KCNE1: variants seen among roughly 807,000 people sequenced by gnomAD.
The protein encoded by KCNE1 is potassium voltage-gated channel subfamily E member 1.
In KCNE1, 1 loss-of-function variant was observed where a neutral mutation model predicts 2.9. That is an observed-to-expected ratio of 0.34 (90% CI 0.12 to 1.62). The LOEUF (loss-of-function observed/expected upper bound fraction) is 1.62. Among genes scored for constraint, KCNE1 ranks in the 40% most tolerant of loss-of-function variants. KCNE1 has a pLI of 0.36. For missense variants in KCNE1, 45 were observed against 150.5 expected (o/e 0.30, Z 3.67); for synonymous variants, 23 against 65.4 (o/e 0.35, Z 3.13).
At chr21:34,511,410 C>G in intron 1 of KCNE1, 95 bp from the exon 2 acceptor site, 5 of 448,874 alleles carry the variant, frequency 1.1e-5, no homozygotes, top group Non-Finnish European at 1.5e-5. Flanking sequence ...ATGAGGGCTC[C>G]ACCCTTATGA....
rs186628880 is a variant in KCNE1 at position 34,511,290 on chromosome 21, C to T, written c.-351G>A. 1.3e-4 allele frequency: 124 copies of T among 985,484 alleles called. No individual in the cohort carries two copies. The African/African-American group carries it at 1.6e-3, about 13-fold the overall frequency. The allele number at this position is 985,484 out of a possible 1,614,324, so 61.0% of individuals were successfully genotyped here. A position where few individuals can be genotyped will look rare whatever the true frequency, so the allele number is the denominator to read the frequency against. ...CCATTCAACGCCCTCCAGGACAGGC[C>T]GAAGGGCTTGTCTGTTTGGTGGTTG... On this transcript the variant is annotated 5_prime_UTR_variant, in exon 2 of 4. Coordinates refer to ENST00000399286, the MANE Select transcript of KCNE1 (RefSeq NM_000219.6).
intron 2 of KCNE1, among the ~76,000 whole-genome samples, chr21:34,504,612 A>T (rs992009946): frequency 2.6e-5 from 4 of 152,258 alleles, no homozygotes; most frequent in Admixed American, 2.0e-4. Flanking sequence ...ACTTGGACAC[A>T]AATGTGCATA....
At chr21:34,499,690 C>A (rs1052278514) in intron 2 of KCNE1, among the ~76,000 whole-genome samples, 9 of 152,210 alleles carry the variant, frequency 5.9e-5, no homozygotes, top group African/African-American at 2.2e-4. Context: ...CTCCTGTAAT[C>A]TGGATTTTCA....
chr21:34,510,142 C>G (rs1029706537), intron 2 of KCNE1: 6 of 152,424 alleles, frequency 3.9e-5, no homozygotes, highest in Non-Finnish European at 7.3e-5. Context: ...TCACCCCTCA[C>G]GCGGAAGTGG....
At chr21:34,507,221 G>A (rs997748675) in intron 2 of KCNE1, among the ~76,000 whole-genome samples, 1 of 152,138 alleles carries the variant, frequency 6.6e-6, no homozygotes, top group Non-Finnish European at 1.5e-5. Flanking sequence ...GAATGGCTCT[G>A]GGGGTGGAGT....
intron 2 of KCNE1, 93 bp downstream of exon 2, chr21:34,511,008 G>A (rs1034949441): frequency 2.1e-5 from 7 of 339,458 alleles, no homozygotes; most frequent in East Asian, 1.7e-4. Context: ...ATGGATGAGC[G>A]CCTCTCCCTT....
rs73900509 is a variant in KCNE1, at chr21:34,511,445, T to A, written c.-376-130A>T. The stretch of plus-strand genomic sequence containing the variant: ...AATGGATTCTCTCTCTCTTGTTCTC[T>A]CTCTCTCTCTTCCCGCCCCGCCCAC... On this transcript the variant is annotated intron_variant, in intron 1 of 3. Coordinates refer to ENST00000399286, the MANE Select transcript of KCNE1 (RefSeq NM_000219.6). The A allele has an allele frequency of 0.22, 55,290 of 251,842 alleles. 7,121 individuals carry two copies. Among genetic ancestry groups the A allele is most frequent in the East Asian group, 0.5 (2,672 of 5,318 alleles). 15.6% of individuals were successfully genotyped at this position (251,842 alleles called of 1,614,324 possible).
chr21:34,511,046 T>A, intron 2 of KCNE1, 55 bp downstream of exon 2: 1 of 642,982 alleles, frequency 1.6e-6, no homozygotes, highest in Non-Finnish European at 1.9e-6. Flanking sequence ...GGCATGAGGG[T>A]GGGAGCAGAG....
intron 2 of KCNE1, among the ~76,000 whole-genome samples, chr21:34,502,451 C>G (rs1422132778): frequency 6.6e-6 from 1 of 152,180 alleles, no homozygotes; most frequent in Non-Finnish European, 1.5e-5. Context: ...CTTCTGACAC[C>G]AATCAGGAAT....
intron 2 of KCNE1, among the ~76,000 whole-genome samples, chr21:34,505,807 T>G (rs1291980843): frequency 6.6e-6 from 1 of 152,242 alleles, no homozygotes; most frequent in African/African-American, 2.4e-5. Context: ...TATGCATTAC[T>G]GTAGCTCAAA....
chr21:34,508,697 C>T (rs1174283391), intron 2 of KCNE1, among the ~76,000 whole-genome samples: 4 of 152,072 alleles, frequency 2.6e-5, no homozygotes, highest in African/African-American at 4.8e-5. Flanking sequence ...CAAAAAGAGA[C>T]GACACAGTCA....
intron 2 of KCNE1, among the ~76,000 whole-genome samples, chr21:34,503,299 A>G (rs1366085762): frequency 6.6e-6 from 1 of 152,188 alleles, no homozygotes; most frequent in Admixed American, 6.5e-5. Flanking sequence ...CAAAGGGTAA[A>G]ATAAACAGCC....
At chr21:34,510,590 C>G (rs764594895) in intron 2 of KCNE1, 3 of 152,592 alleles carry the variant, frequency 2.0e-5, no homozygotes, top group Non-Finnish European at 4.4e-5. Context: ...CCGGGTGAAG[C>G]CTCCCCTCCC....
At chr21:34,508,071 C>A (rs565057391) in intron 2 of KCNE1, among the ~76,000 whole-genome samples, 1 of 151,752 alleles carries the variant, frequency 6.6e-6, no homozygotes, top group African/African-American at 2.4e-5. Context: ...CTGTGGTCCA[C>A]GCTGGAGTGC....
At chr21:34,504,942 G>A (rs552824832) in intron 2 of KCNE1, among the ~76,000 whole-genome samples, 1 of 152,284 alleles carries the variant, frequency 6.6e-6, no homozygotes, top group East Asian at 1.9e-4. Flanking sequence ...CAGCTAAAGG[G>A]TTTGGAGTTT....
At chr21:34,505,943 T>C (rs1418111203) in intron 2 of KCNE1, among the ~76,000 whole-genome samples, 2 of 152,238 alleles carry the variant, frequency 1.3e-5, no homozygotes, top group Non-Finnish European at 2.9e-5. Flanking sequence ...CAAGGCAATA[T>C]AGACTCTGGG....
intron 2 of KCNE1, among the ~76,000 whole-genome samples, chr21:34,499,822 G>A (rs1472177038): frequency 6.6e-6 from 1 of 152,170 alleles, no homozygotes; most frequent in Non-Finnish European, 1.5e-5. Flanking sequence ...AAAAGGATCA[G>A]TGAATTATTT....
rs111292384 is a variant in KCNE1 at position 34,497,877 on chromosome 21, CT to C, written c.-162+13223del. Among the ~76,000 whole-genome samples, 1,144 of 151,154 alleles carry C rather than the reference CT, an allele frequency of 7.6e-3. 18 individuals carry two copies. The highest frequency in any genetic ancestry group is 0.026 in the African/African-American group (1,077 of 41,226). On this transcript the variant is annotated intron_variant, in intron 2 of 3. Coordinates refer to ENST00000399286, the MANE Select transcript of KCNE1 (RefSeq NM_000219.6). Reference sequence around the variant, plus strand: ...GGGGGCTTTGTTCATTTTTTAAATTCTTTTTTTTTCTTTTTTTTGGTTTTTA... The same window carrying C: ...GGGGGCTTTGTTCATTTTTTAAATTCTTTTTTTTCTTTTTTTTGGTTTTTA...
chr21:34,503,704 C>A (rs894621236), intron 2 of KCNE1, among the ~76,000 whole-genome samples: 2 of 152,182 alleles, frequency 1.3e-5, no homozygotes, highest in African/African-American at 4.8e-5. Flanking sequence ...TGGATGAAGA[C>A]CAAATATGTA....
Sources: gnomAD v4.1 joint callset for allele counts (sites outside exome capture counted in the v4.1 genomes callset) on GRCh38, gnomAD v4.1.1 for gene constraint, MANE v1.5 for transcripts, NCBI Gene and HGNC (gene_info 2026-07-23, HGNC 2026-07-21) for gene names.